Variants in FHIT observed in about 807,000 individuals in gnomAD.
FHIT encodes bis(5'-adenosyl)-triphosphatase.
Under a neutral mutation model 17.9 loss-of-function variants are expected in FHIT, and 19 were observed. That is an observed-to-expected ratio of 1.06 (90% CI 0.74 to 1.56). The LOEUF (loss-of-function observed/expected upper bound fraction) is 1.56. Among genes scored for constraint, FHIT ranks in the 40% most tolerant of loss-of-function variants. FHIT has a pLI of 0.00. For synonymous variants in FHIT, 81 were observed against 69.7 expected (o/e 1.16, Z -0.81); for missense variants, 248 against 189.2 (o/e 1.31, Z -1.82).
intron 4 of FHIT, among the ~76,000 whole-genome samples, chr3:60,544,963 G>C (rs1269042876): frequency 6.6e-6 from 1 of 152,130 alleles, no homozygotes; most frequent in African/African-American, 2.4e-5. Context: ...GTTCCAAAGA[G>C]AGTTTATTAA....
chr3:60,449,424 G>A (rs895976582), intron 5 of FHIT, among the ~76,000 whole-genome samples: 14 of 118,004 alleles, frequency 1.2e-4, no homozygotes, highest in African/African-American at 4.7e-4. Flanking sequence ...CATCATATGC[G>A]CATACACACA....
At chr3:60,912,361 G>C (rs769034076) in intron 3 of FHIT, among the ~76,000 whole-genome samples, 28 of 152,086 alleles carry the variant, frequency 1.8e-4, no homozygotes, top group Non-Finnish European at 3.8e-4. Context: ...GAGTAACCTG[G>C]TAACTGAACC....
intron 2 of FHIT, among the ~76,000 whole-genome samples, chr3:61,188,978 A>C (rs1192467062): frequency 6.6e-6 from 1 of 151,968 alleles, no homozygotes; most frequent in African/African-American, 2.4e-5. Context: ...TCAATATCAT[A>C]CTGAATGGGC....
chr3:60,602,262 C>G (rs1468871578), intron 4 of FHIT, among the ~76,000 whole-genome samples: 1 of 152,118 alleles, frequency 6.6e-6, no homozygotes, highest in East Asian at 1.9e-4. Context: ...AAAACTAGAG[C>G]TGTTCAAACA....
intron 7 of FHIT, among the ~76,000 whole-genome samples, chr3:59,967,419 C>T (rs757287365): frequency 2.6e-5 from 4 of 152,108 alleles, no homozygotes; most frequent in Non-Finnish European, 4.4e-5. Context: ...ACCAGCACTG[C>T]TATGAACAAG....
intron 4 of FHIT, among the ~76,000 whole-genome samples, chr3:60,741,338 C>T (rs2042236827): frequency 1.3e-5 from 2 of 152,146 alleles, no homozygotes; most frequent in South Asian, 4.1e-4. Context: ...CTATTGCAAT[C>T]GAGTTTAAGG....
intron 5 of FHIT, among the ~76,000 whole-genome samples, chr3:60,373,336 A>T (rs1419801202): frequency 1.3e-5 from 2 of 152,188 alleles, no homozygotes; most frequent in East Asian, 3.9e-4. Flanking sequence ...GAATTTGAAA[A>T]TGGCTTGGTA....
At chr3:61,202,065 G>GGTACACAC (rs2039034386) in intron 1 of FHIT, among the ~76,000 whole-genome samples, 1 of 93,892 alleles carries the variant, frequency 1.1e-5, no homozygotes, top group East Asian at 3.8e-4. Flanking sequence ...CACGCACATA[G>GGTACACAC]ATACACACAC....
At chr3:60,330,741 G>C (rs987354473) in intron 5 of FHIT, among the ~76,000 whole-genome samples, 3 of 152,196 alleles carry the variant, frequency 2.0e-5, no homozygotes, top group African/African-American at 7.2e-5. Flanking sequence ...ATCAATCTCA[G>C]TTTGGTTGTC....
At chr3:60,457,726 A>C (rs1361695695) in intron 5 of FHIT, among the ~76,000 whole-genome samples, 4 of 147,516 alleles carry the variant, frequency 2.7e-5, no homozygotes, top group Admixed American at 2.1e-4. Flanking sequence ...AACTCAAACA[A>C]ATTTACAAGA....
chr3:60,465,428 CTG>C (rs2032731095), intron 5 of FHIT, among the ~76,000 whole-genome samples: 1 of 152,052 alleles, frequency 6.6e-6, no homozygotes, highest in African/African-American at 2.4e-5. Flanking sequence ...CTTTGGTTAA[CTG>C]TGTTTGTAGG....
chr3:61,202,996 T>A (rs9832387), intron 1 of FHIT, among the ~76,000 whole-genome samples: 1 of 151,440 alleles, frequency 6.6e-6, no homozygotes. Flanking sequence ...CTGGCTAATA[T>A]GGTGAAACCC....
At chr3:61,075,399 A>T (rs911623617) in intron 2 of FHIT, among the ~76,000 whole-genome samples, 2 of 152,170 alleles carry the variant, frequency 1.3e-5, no homozygotes, top group Non-Finnish European at 2.9e-5. Context: ...TGGCATCTAC[A>T]CTTATAGGGA....
chr3:60,590,372 G>A (rs1553663777), intron 4 of FHIT, among the ~76,000 whole-genome samples: 1 of 151,852 alleles, frequency 6.6e-6, no homozygotes. Flanking sequence ...ACCCCTCCTT[G>A]CCCACCACTT....
chr3:60,633,207 G>A (rs1381733424), intron 4 of FHIT, among the ~76,000 whole-genome samples: 1 of 152,196 alleles, frequency 6.6e-6, no homozygotes, highest in Non-Finnish European at 1.5e-5. Context: ...GGAGGCAATA[G>A]TTAGGAATAT....
intron 5 of FHIT, among the ~76,000 whole-genome samples, chr3:60,160,955 A>C (rs1025532241): frequency 1.4e-5 from 2 of 147,750 alleles, no homozygotes; most frequent in African/African-American, 4.9e-5. Context: ...CAGACAAAGC[A>C]AAAAAAAAAG....
intron 4 of FHIT, among the ~76,000 whole-genome samples, chr3:60,581,839 A>G (rs1354958711): frequency 1.3e-5 from 2 of 152,014 alleles, no homozygotes; most frequent in Non-Finnish European, 2.9e-5. Context: ...TTTTTTCATC[A>G]TACTCTTTTA....
At position 60,494,542 on chromosome 3, in the gene FHIT, C is replaced by T. The variant is rs112004892; in HGVS notation, c.103+42318G>A. Among the ~76,000 whole-genome samples the T allele has an allele frequency of 5.1e-3, 779 of 152,176 alleles. 7 individuals are homozygous for T. The highest frequency in any genetic ancestry group is 7.9e-3 in the Non-Finnish European group (535 of 68,012). ...TATTGACTACAGTCACTCCGTTGCG[C>T]TATCAAATACTAGGTCTTATTCATG... On this transcript the variant is annotated intron_variant, in intron 5 of 9. Transcript: ENST00000492590.
intron 8 of FHIT, among the ~76,000 whole-genome samples, chr3:59,901,585 T>C (rs537004811): frequency 4.4e-4 from 67 of 152,318 alleles, no homozygotes; most frequent in African/African-American, 1.6e-3. Context: ...TACCACTTCA[T>C]GCTTATTGCT....
Sources: allele counts gnomAD v4.1 joint callset (sites outside exome capture counted in the v4.1 genomes callset), GRCh38; gene constraint gnomAD v4.1.1; transcripts MANE v1.5; gene names NCBI Gene and HGNC (gene_info 2026-07-23, HGNC 2026-07-21).